PALM2AKAP2: variants seen among roughly 807,000 people sequenced by gnomAD.
PALM2AKAP2 encodes the protein PALM2 and AKAP2 fusion, also known as PALM2-AKAP2 fusion protein.
PALM2AKAP2 carries 37 observed loss-of-function variants against 71.5 expected under a neutral mutation model. The ratio of observed to expected loss-of-function variants is 0.52; its 90% CI spans 0.40 to 0.68. PALM2AKAP2 has a LOEUF of 0.68. Ranked by LOEUF, PALM2AKAP2 falls within the 30% of genes least tolerant of loss-of-function variation. PALM2AKAP2 has a pLI of 0.00. For missense variants in PALM2AKAP2, 1,224 were observed against 1,191.8 expected, an observed-to-expected ratio of 1.03 and a Z score of -0.40; for synonymous variants, 468 against 478.8, an observed-to-expected ratio of 0.98 and a Z score of 0.29.
At chr9:109,660,739 C>T (rs1207463487) in intron 1 of PALM2AKAP2, among the ~76,000 whole-genome samples, 1 of 152,166 alleles carries the variant, frequency 6.6e-6, no homozygotes, top group African/African-American at 2.4e-5. Context: ...GAGGAAACCC[C>T]ACACTGTCTT....
At chr9:109,976,898 G>A (rs543921141) in intron 6 of PALM2AKAP2, among the ~76,000 whole-genome samples, 8 of 152,280 alleles carry the variant, frequency 5.3e-5, no homozygotes, top group African/African-American at 7.2e-5. Flanking sequence ...AGTGTGAACC[G>A]CAGTGGGCAC....
At chr9:109,858,790 A>G (rs956982829) in intron 1 of PALM2AKAP2, among the ~76,000 whole-genome samples, 1 of 152,196 alleles carries the variant, frequency 6.6e-6, no homozygotes, top group Admixed American at 6.5e-5. Flanking sequence ...CTTTCTCATC[A>G]GAGCCCATAT....
chr9:109,930,875 C>T (rs566055250), intron 5 of PALM2AKAP2, among the ~76,000 whole-genome samples: 45 of 152,034 alleles, frequency 3.0e-4, no homozygotes, highest in Non-Finnish European at 5.9e-4. Flanking sequence ...GCTCGTGAGC[C>T]AAGATAGAGG....
intron 1 of PALM2AKAP2, among the ~76,000 whole-genome samples, chr9:109,774,968 C>A (rs1036140966): frequency 1.3e-5 from 2 of 152,226 alleles, no homozygotes; most frequent in Non-Finnish European, 2.9e-5. Flanking sequence ...CACTCTGGAC[C>A]AACATCTGAA....
At chr9:109,649,331 C>A (rs1302715677) in intron 1 of PALM2AKAP2, among the ~76,000 whole-genome samples, 1 of 152,058 alleles carries the variant, frequency 6.6e-6, no homozygotes, top group Non-Finnish European at 1.5e-5. Flanking sequence ...CTGAATTTTT[C>A]TCATTTTTTT....
At chr9:109,896,310 A>T (rs966104720) in intron 3 of PALM2AKAP2, among the ~76,000 whole-genome samples, 5 of 152,156 alleles carry the variant, frequency 3.3e-5, no homozygotes, top group Admixed American at 2.0e-4. Context: ...CCCATGACAC[A>T]TGGGGATTAT....
At chr9:110,084,399 T>A (rs1422996673) in intron 1 of PALM2AKAP2, among the ~76,000 whole-genome samples, 1 of 152,192 alleles carries the variant, frequency 6.6e-6, no homozygotes, top group East Asian at 1.9e-4. Context: ...ATTGAGAAGT[T>A]AATAAATAAT....
At chr9:110,015,914 A>G (rs1472437664) in intron 6 of PALM2AKAP2, 40 bp from the exon 7 acceptor site, 8 of 1,552,226 alleles carry the variant, frequency 5.2e-6, no homozygotes, top group Non-Finnish European at 7.1e-6. Flanking sequence ...ATGTCAGCTG[A>G]ATGACTTGGC....
chr9:109,764,383 C>T lies in PALM2AKAP2; in HGVS notation c.6-16105C>T, dbSNP rs189873346. On this transcript the variant is annotated intron_variant, in intron 1 of 6. Transcript: ENST00000374531. ...CTAAACACACTGCGCTCTTTTACACCTCCTGGCCTTTGCACAGCTTGTTCT... is the reference window on the plus strand; with the variant it reads ...CTAAACACACTGCGCTCTTTTACACTTCCTGGCCTTTGCACAGCTTGTTCT... 2.2e-3 allele frequency among the ~76,000 whole-genome samples: 337 copies of T among 152,188 alleles called. 3 individuals carry two copies. Among genetic ancestry groups the T allele is most frequent in the African/African-American group, 7.7e-3 (318 of 41,500 alleles).
At chr9:110,013,785 G>A (rs777603487) in intron 6 of PALM2AKAP2, among the ~76,000 whole-genome samples, 17 of 152,174 alleles carry the variant, frequency 1.1e-4, no homozygotes, top group Admixed American at 4.6e-4. Context: ...CATTAATTTC[G>A]TATTAATTTA....
chr9:109,937,108 G>A (rs1438127885), intron 6 of PALM2AKAP2, among the ~76,000 whole-genome samples: 1 of 152,148 alleles, frequency 6.6e-6, no homozygotes, highest in Non-Finnish European at 1.5e-5. Context: ...TCTGCCAAAG[G>A]TGAAGGCAAC....
At chr9:109,766,080 C>G (rs1186445899) in intron 1 of PALM2AKAP2, among the ~76,000 whole-genome samples, 1 of 152,168 alleles carries the variant, frequency 6.6e-6, no homozygotes, top group African/African-American at 2.4e-5. Context: ...TAAGATATGT[C>G]AAGTGTACAT....
intron 1 of PALM2AKAP2, among the ~76,000 whole-genome samples, chr9:110,053,553 A>AAAAG (rs1358693893): frequency 3.3e-5 from 5 of 151,058 alleles, no homozygotes; most frequent in Non-Finnish European, 7.4e-5. Flanking sequence ...AAAAAAGAAA[A>AAAAG]AAAGAAAGAA....
At chr9:110,065,113 A>G (rs183171729) in intron 1 of PALM2AKAP2, among the ~76,000 whole-genome samples, 84 of 152,322 alleles carry the variant, frequency 5.5e-4, no homozygotes, top group African/African-American at 1.9e-3. Flanking sequence ...AGCTTCCTGC[A>G]CTTCCGTGAC....
intron 3 of PALM2AKAP2, among the ~76,000 whole-genome samples, chr9:110,167,771 T>A (rs1836773348): frequency 2.0e-5 from 3 of 152,178 alleles, no homozygotes. Context: ...CTTATATAGG[T>A]TTGCAAAGCT....
At chr9:110,097,179 G>C (rs866054494) in intron 1 of PALM2AKAP2, among the ~76,000 whole-genome samples, 1 of 150,734 alleles carries the variant, frequency 6.6e-6, no homozygotes, top group Non-Finnish European at 1.5e-5. Context: ...GCCTTCAAGC[G>C]TCTGTTTAAC....
intron 1 of PALM2AKAP2, among the ~76,000 whole-genome samples, chr9:109,769,651 A>G (rs1411754471): frequency 3.3e-5 from 5 of 152,196 alleles, no homozygotes; most frequent in African/African-American, 9.7e-5. Flanking sequence ...TGGATTTTTA[A>G]TATTGGAGGA....
chr9:109,867,513 A>T, exon 2 of PALM2AKAP2: 1 of 1,612,968 alleles, frequency 6.2e-7, no homozygotes, highest in Non-Finnish European at 8.5e-7. Context: ...AGGCAGACTG[A>T]AATAGAAGGC....
At chr9:109,720,437 A>G (rs1354947800) in intron 1 of PALM2AKAP2, among the ~76,000 whole-genome samples, 1 of 152,192 alleles carries the variant, frequency 6.6e-6, no homozygotes, top group Non-Finnish European at 1.5e-5. Flanking sequence ...TATTGAGACT[A>G]TTGGTAGATC....
Sources: gnomAD v4.1 joint callset for allele counts (sites outside exome capture counted in the v4.1 genomes callset) on GRCh38, gnomAD v4.1.1 for gene constraint, MANE v1.5 for transcripts, NCBI Gene and HGNC (gene_info 2026-07-23, HGNC 2026-07-21) for gene names.